ERC2: variants seen among roughly 807,000 people sequenced by gnomAD.
ERC2 encodes the protein ELKS/RAB6-interacting/CAST family member 2.
In ERC2, 42 loss-of-function variants were observed where a neutral mutation model predicts 114.8. The observed-to-expected ratio is 0.37, with a 90% CI of 0.29 to 0.47. The LOEUF (loss-of-function observed/expected upper bound fraction) is 0.47. ERC2 is among the 20% of genes least tolerant of loss of function. The pLI is 0.99. For missense variants in ERC2, 939 were observed against 1,150.7 expected, an observed-to-expected ratio of 0.82 and a Z score of 2.66; for synonymous variants, 454 against 425.5, an observed-to-expected ratio of 1.07 and a Z score of -0.82.
intron 1 of ERC2, among the ~76,000 whole-genome samples, chr3:56,449,749 A>C (rs2062747312): frequency 6.6e-6 from 1 of 152,232 alleles, no homozygotes; most frequent in South Asian, 2.1e-4. Context: ...GGAAAGATTA[A>C]ATGAGATGAT....
At chr3:55,622,899 G>A (rs1463543238) in intron 17 of ERC2, among the ~76,000 whole-genome samples, 3 of 152,070 alleles carry the variant, frequency 2.0e-5, no homozygotes, top group Non-Finnish European at 4.4e-5. Flanking sequence ...GGACCATGCT[G>A]ATTCAAACCC....
intron 10 of ERC2, among the ~76,000 whole-genome samples, chr3:56,006,327 C>G (rs558928042): frequency 6.6e-6 from 1 of 152,110 alleles, no homozygotes; most frequent in Non-Finnish European, 1.5e-5. Context: ...TTTTTCATAA[C>G]TTTAGCCAAT....
intron 17 of ERC2, among the ~76,000 whole-genome samples, chr3:55,537,191 AT>A (rs1349658363): frequency 6.6e-6 from 1 of 152,132 alleles, no homozygotes; most frequent in Non-Finnish European, 1.5e-5. Context: ...GGCCGGCCAC[AT>A]TTCCACAAGA....
At chr3:55,659,496 A>G (rs1446620537) in intron 17 of ERC2, 1 of 144,180 alleles carries the variant, frequency 6.9e-6, no homozygotes, top group Non-Finnish European at 1.5e-5. Flanking sequence ...CTTCCTTTCT[A>G]CCCCCTACCA....
chr3:56,414,819 T>A (rs1159324353), intron 2 of ERC2, among the ~76,000 whole-genome samples: 1 of 152,136 alleles, frequency 6.6e-6, no homozygotes, highest in Non-Finnish European at 1.5e-5. Context: ...TACAGAGTTT[T>A]CACTCAGGAC....
At chr3:55,916,147 CG>C (rs1468566495) in intron 13 of ERC2, among the ~76,000 whole-genome samples, 3 of 152,064 alleles carry the variant, frequency 2.0e-5, no homozygotes, top group African/African-American at 7.2e-5. Context: ...GTGGCAACAG[CG>C]TGGTGAGAAT....
At chr3:55,651,186 A>T (rs2060607680) in intron 17 of ERC2, among the ~76,000 whole-genome samples, 1 of 151,962 alleles carries the variant, frequency 6.6e-6, no homozygotes. Flanking sequence ...GTTATATGCC[A>T]GTCTGCCCTC....
At chr3:56,441,350 T>A (rs201552411) in intron 1 of ERC2, among the ~76,000 whole-genome samples, 3 of 152,152 alleles carry the variant, frequency 2.0e-5, no homozygotes, top group African/African-American at 7.2e-5. Context: ...CATCACTATA[T>A]GTAACAAGAC....
chr3:55,597,046 C>A (rs2058171883), intron 17 of ERC2, among the ~76,000 whole-genome samples: 1 of 152,138 alleles, frequency 6.6e-6, no homozygotes, highest in Non-Finnish European at 1.5e-5. Context: ...AAAAATTGAA[C>A]ATGTGCTTGG....
chr3:56,398,863 C>T (rs2060415623), intron 2 of ERC2, among the ~76,000 whole-genome samples: 4 of 152,190 alleles, frequency 2.6e-5, no homozygotes, highest in Admixed American at 6.5e-5. Flanking sequence ...AGGCAATCCT[C>T]CCATTTCAGC....
At chr3:56,254,412 G>A (rs1205564793) in intron 3 of ERC2, among the ~76,000 whole-genome samples, 2 of 151,670 alleles carry the variant, frequency 1.3e-5, no homozygotes, top group Non-Finnish European at 2.9e-5. Flanking sequence ...GACAGGACCC[G>A]CAAGTATTTT....
At chr3:56,150,918 G>A (rs1043986836) in intron 4 of ERC2, among the ~76,000 whole-genome samples, 31 of 152,032 alleles carry the variant, frequency 2.0e-4, no homozygotes, top group African/African-American at 7.2e-4. Context: ...CCTCAGAATG[G>A]GATTAGAGCC....
intron 13 of ERC2, among the ~76,000 whole-genome samples, chr3:55,946,101 A>T (rs937465719): frequency 2.6e-5 from 4 of 152,040 alleles, no homozygotes; most frequent in Non-Finnish European, 5.9e-5. Context: ...AAAATAAAAA[A>T]AAAAGGCATC....
At chr3:56,324,325 C>T (rs899336631) in intron 2 of ERC2, among the ~76,000 whole-genome samples, 3 of 152,270 alleles carry the variant, frequency 2.0e-5, no homozygotes, top group South Asian at 2.1e-4. Flanking sequence ...AGTCTCAGGG[C>T]CCAACAGGCC....
At chr3:56,032,887 G>GAAAGAAAGAAAGAA (rs1366582563) in intron 7 of ERC2, among the ~76,000 whole-genome samples, 7 of 102,676 alleles carry the variant, frequency 6.8e-5, no homozygotes, top group East Asian at 2.6e-4. Flanking sequence ...AAGAAAGAAA[G>GAAAGAAAGAAAGAA]AGAGAGAGAG....
chr3:56,125,917 C>A (rs2079838722), intron 6 of ERC2, among the ~76,000 whole-genome samples: 1 of 152,140 alleles, frequency 6.6e-6, no homozygotes, highest in South Asian at 2.1e-4. Flanking sequence ...ATGCAGGCAA[C>A]TAATTTACTT....
chr3:56,307,796 C>T (rs2056314134), intron 2 of ERC2, among the ~76,000 whole-genome samples: 2 of 150,940 alleles, frequency 1.3e-5, no homozygotes, highest in South Asian at 4.2e-4. Context: ...TGTCATGTAT[C>T]ATATAATCAT....
At chr3:56,466,717 A>G (rs542517186) in intron 1 of ERC2, among the ~76,000 whole-genome samples, 9 of 152,340 alleles carry the variant, frequency 5.9e-5, no homozygotes, top group African/African-American at 2.2e-4. Flanking sequence ...CTCCCCATAA[A>G]GAACGTTTGC....
intron 11 of ERC2, among the ~76,000 whole-genome samples, chr3:55,988,328 C>T (rs902732874): frequency 2.6e-5 from 4 of 152,220 alleles, no homozygotes; most frequent in Non-Finnish European, 5.9e-5. Flanking sequence ...CCTGAGCTGC[C>T]TGCAGTCCAA....
Sources: allele counts gnomAD v4.1 joint callset (sites outside exome capture counted in the v4.1 genomes callset), GRCh38; gene constraint gnomAD v4.1.1; transcripts MANE v1.5; gene names NCBI Gene and HGNC (gene_info 2026-07-23, HGNC 2026-07-21).